ARHGAP1: variants seen among roughly 807,000 people sequenced by gnomAD.
ARHGAP1 encodes the protein rho GTPase-activating protein 1.
A neutral mutation model predicts 52.2 loss-of-function variants in ARHGAP1; 23 were observed. The observed-to-expected ratio is 0.44, with a 90% CI of 0.32 to 0.62. The LOEUF (loss-of-function observed/expected upper bound fraction) is 0.62, where lower values mean the gene tolerates loss of function less well. ARHGAP1 is among the 20% of genes least tolerant of loss of function. The probability of loss-of-function intolerance (pLI) is 0.05; values close to 1 mark genes in which losing one functional copy is unlikely to be tolerated. For missense variants in ARHGAP1, 480 were observed against 560.9 expected (o/e 0.86, Z 1.46); for synonymous variants, 210 against 228.4 (o/e 0.92, Z 0.73).
Position 46,680,887 on chromosome 11 carries a change from G to T in ARHGAP1, c.635+124C>A. On this transcript the variant is annotated intron_variant, in intron 7 of 12. Coordinates refer to ENST00000311956, the MANE Select transcript of ARHGAP1 (RefSeq NM_004308.5). The surrounding 1 kb of genome is among the most constrained non-coding windows in gnomAD (Gnocchi z 5.9). ...ACAACTCCGCTTTCCACAGCAGAAA[G>T]CAAAGACCTGGGAGAGGTCGGGACA... 1 of 1,113,238 alleles carries T rather than the reference G, an allele frequency of 9.0e-7. No individual in the cohort carries two copies. The highest frequency in any genetic ancestry group is 1.3e-6 in the Non-Finnish European group (1 of 770,240). The allele number at this position is 1,113,238 out of a possible 1,614,324, so 69.0% of individuals were successfully genotyped here.
chr11:46,682,101 G>T lies in ARHGAP1; in HGVS notation c.399C>A (p.Asn133Lys). Residue 133 changes from asparagine (N) to lysine (K), a missense_variant, in exon 5 of 13, where the codon AAC becomes AAA. Asn to Lys is a moderately conservative substitution (Grantham distance 94, BLOSUM62 0). Coordinates refer to ENST00000311956, the MANE Select transcript of ARHGAP1 (RefSeq NM_004308.5). ...CACGGAGCCAGCTGAGGGAGGGCTT[G>T]TTGTCGCTGGTCAGGCCGTGGTGCA... ...LYLHHGLTSD[N>K]KPSLSWLRDA... 1 of 1,614,226 alleles carries T rather than the reference G, an allele frequency of 6.2e-7. No individual in the cohort carries two copies. The highest frequency in any genetic ancestry group is 8.5e-7 in the Non-Finnish European group (1 of 1,180,026).
intron 1 of ARHGAP1, among the ~76,000 whole-genome samples, chr11:46,698,619 A>C (rs2064675529): frequency 6.6e-6 from 1 of 152,006 alleles, no homozygotes; most frequent in Non-Finnish European, 1.5e-5. Context: ...AAAAAAAAAA[A>C]AAAAGGAGCA....
intron 4 of ARHGAP1, among the ~76,000 whole-genome samples, chr11:46,686,368 G>T (rs1165779259): frequency 6.6e-6 from 1 of 152,194 alleles, no homozygotes; most frequent in Non-Finnish European, 1.5e-5. Context: ...CAGCTAGCAA[G>T]AGGTGCAGAG....
intron 3 of ARHGAP1, among the ~76,000 whole-genome samples, chr11:46,690,335 C>T (rs1414518521): frequency 6.6e-6 from 1 of 151,094 alleles, no homozygotes; most frequent in African/African-American, 2.4e-5. Context: ...TGCAGTGAGC[C>T]GAGATCGCCC....
intron 3 of ARHGAP1, among the ~76,000 whole-genome samples, chr11:46,693,800 T>G (rs901189149): frequency 6.6e-5 from 10 of 152,150 alleles, no homozygotes; most frequent in Admixed American, 5.2e-4. Context: ...TGTTAAGCTG[T>G]TCAACTGTCA....
At chr11:46,699,042 G>C (rs1436705928) in intron 1 of ARHGAP1, among the ~76,000 whole-genome samples, 2 of 152,162 alleles carry the variant, frequency 1.3e-5, no homozygotes, top group African/African-American at 4.8e-5. Flanking sequence ...TTCTCAGCAG[G>C]TAAACCTTTA....
chr11:46,694,789 C>A (rs1193844699), intron 3 of ARHGAP1, among the ~76,000 whole-genome samples: 1 of 152,242 alleles, frequency 6.6e-6, no homozygotes, highest in African/African-American at 2.4e-5. Context: ...GCCATGGAAA[C>A]ACCTTTGACG....
intron 3 of ARHGAP1, chr11:46,695,220 C>T (rs1302533579): frequency 2.9e-6 from 1 of 346,574 alleles, no homozygotes; most frequent in African/African-American, 2.1e-5. Flanking sequence ...GCCCCCTCCC[C>T]ATTTTTGGAA....
Position 46,680,488 on chromosome 11 carries a change from G to T in ARHGAP1, c.819C>A (p.His273Gln). The change falls in exon 9 of 13, where the codon CAC becomes CAA. Residue 273 changes from histidine (H) to glutamine (Q), a missense_variant and splice_region_variant. Physicochemically the swap from His to Gln is conservative, Grantham distance 24. Coordinates refer to ENST00000311956, the MANE Select transcript of ARHGAP1 (RefSeq NM_004308.5). The surrounding 1 kb of genome is among the most constrained non-coding windows in gnomAD (Gnocchi z 5.9). ...TGAGGAGGCAGGCCCGGCACTCACC[G>T]TGGGCCTGTAAGTAGGCAACAGTCT... ...LRETVAYLQAHALTTEGIFRR... is the reference protein window; with the variant it reads ...LRETVAYLQAQALTTEGIFRR... 6.2e-7 allele frequency: 1 copy of T among 1,613,720 alleles called. No individual in the cohort carries two copies. The highest frequency in any genetic ancestry group is 1.3e-5 in the African/African-American group (1 of 75,052).
At chr11:46,685,378 A>T (rs1385089961) in intron 4 of ARHGAP1, among the ~76,000 whole-genome samples, 1 of 145,866 alleles carries the variant, frequency 6.9e-6, no homozygotes, top group East Asian at 2.1e-4. Flanking sequence ...CCCAGGGTGG[A>T]GTGCAATGGC....
rs34845803 is a variant in ARHGAP1 at position 46,677,944 on chromosome 11, GAAAA to G, written c.*1089_*1092del. On this transcript the variant is annotated 3_prime_UTR_variant, in exon 13 of 13. Coordinates refer to ENST00000311956, the MANE Select transcript of ARHGAP1 (RefSeq NM_004308.5). ...GGTGACAGAGCGAGACTCCATCTCA[GAAAA>G]AAAAAAAAAAAGGTGGCCCTAGAGC... 31 of 366,112 alleles carry G rather than the reference GAAAA, an allele frequency of 8.5e-5. No individual in the cohort carries two copies. The highest frequency in any genetic ancestry group is 3.5e-4 in the East Asian group (4 of 11,542). The allele number at this position is 366,112 out of a possible 1,614,324, so 22.7% of individuals were successfully genotyped here.
At chr11:46,692,690 T>C (rs563142397) in intron 3 of ARHGAP1, among the ~76,000 whole-genome samples, 19 of 152,136 alleles carry the variant, frequency 1.2e-4, no homozygotes, top group Middle Eastern at 3.4e-3. Context: ...ATTACAAGCA[T>C]GTGCACTTTT....
Position 46,688,194 on chromosome 11 carries a change from A to T in ARHGAP1, c.296T>A (p.Leu99His). ...TCACCCCAGGAGCTTGCTGTGGTCG[A>T]GCTGGTGGCTGGGGGGCATTCGACA... ...SACRMPPSHQ[L>H]DHSKLLGYLK... The change falls in exon 4 of 13, where the codon CTC becomes CAC. Residue 99 changes from leucine (L) to histidine (H), a missense_variant. Leu to His is a moderately conservative substitution (Grantham distance 99). Transcript: ENST00000311956. 6.2e-7 allele frequency: 1 copy of T among 1,613,934 alleles called. No individual in the cohort carries two copies. The highest frequency in any genetic ancestry group is 8.5e-7 in the Non-Finnish European group (1 of 1,179,938).
rs767656467 is a variant in ARHGAP1 at position 46,679,055 on chromosome 11, C to T, written c.1302G>A (p.Pro434=). 15 of 1,614,016 alleles carry T rather than the reference C, an allele frequency of 9.3e-6. No homozygotes were observed. Among genetic ancestry groups the T allele is most frequent in the South Asian group, 4.4e-5 (4 of 91,084 alleles). Residue 434 remains proline, a synonymous_variant, in exon 13 of 13, where the codon CCG becomes CCA. Transcript: ENST00000311956. This position sits in a 1 kb window ranked among gnomAD's most constrained non-coding sequence, Gnocchi z 4.4. ...GCCAGGTTCAGAGCCCGCTGGGGTC[C>T]GGGCTTGGGAACAGCTCCCCTTGGT... ...LDHQGELFPS[P]DPSGL
intron 1 of ARHGAP1, among the ~76,000 whole-genome samples, chr11:46,699,862 T>C (rs1428269133): frequency 6.6e-6 from 1 of 151,998 alleles, no homozygotes; most frequent in African/African-American, 2.4e-5. Context: ...GCAATTATCC[T>C]GTTTCACAGA....
chr11:46,688,051 A>G, intron 4 of ARHGAP1, 122 bp downstream of exon 4: 1 of 871,132 alleles, frequency 1.1e-6, no homozygotes, highest in Admixed American at 2.5e-5. Context: ...TCATGAGAAG[A>G]GGGAAGGCAT....
intron 2 of ARHGAP1, 46 bp downstream of exon 2, chr11:46,695,929 C>A (rs1485729836): frequency 1.2e-6 from 2 of 1,613,234 alleles, no homozygotes; most frequent in East Asian, 2.2e-5. Context: ...GGAGTGCTTC[C>A]CCCTCTAAAG....
intron 1 of ARHGAP1, among the ~76,000 whole-genome samples, chr11:46,699,224 A>C (rs2064679808): frequency 6.6e-6 from 1 of 152,202 alleles, no homozygotes; most frequent in East Asian, 1.9e-4. Flanking sequence ...GTCTATTCAG[A>C]ATGACACCTG....
chr11:46,694,905 G>A (rs2064641025), intron 3 of ARHGAP1, among the ~76,000 whole-genome samples: 2 of 152,106 alleles, frequency 1.3e-5, no homozygotes, highest in Admixed American at 1.3e-4. Flanking sequence ...CCTTGCCCAC[G>A]CCAATGCCTC....
Sources: gnomAD v4.1 joint callset for allele counts (sites outside exome capture counted in the v4.1 genomes callset) on GRCh38, gnomAD v4.1.1 for gene constraint, Gnocchi (gnomAD v3.1) non-coding constraint, MANE v1.5 for transcripts, NCBI Gene and HGNC (gene_info 2026-07-23, HGNC 2026-07-21) for gene names.